Variants in ATP8A1 observed in about 807,000 individuals in gnomAD.
ATP8A1 encodes the protein ATPase phospholipid transporting 8A1, also known as phospholipid-transporting ATPase IA.
A neutral mutation model predicts 177.7 loss-of-function variants in ATP8A1; 90 were observed. The observed-to-expected ratio is 0.51, with a 90% CI of 0.43 to 0.60. ATP8A1 has a LOEUF of 0.60. ATP8A1 is among the 20% of genes least tolerant of loss of function. The pLI, the probability that ATP8A1 is intolerant of heterozygous loss-of-function variation, is 0.00. For missense variants in ATP8A1, 1,072 were observed against 1,392.8 expected (o/e 0.77, Z 3.67); for synonymous variants, 493 against 485.9 (o/e 1.01, Z -0.19).
intron 4 of ATP8A1, among the ~76,000 whole-genome samples, chr4:42,621,933 T>C (rs912532778): frequency 3.3e-5 from 5 of 152,160 alleles, no homozygotes; most frequent in Non-Finnish European, 7.4e-5. Flanking sequence ...ACTGCACACC[T>C]ACAACCATCT....
intron 5 of ATP8A1, among the ~76,000 whole-genome samples, chr4:42,613,618 C>CT (rs1434918687): frequency 6.6e-6 from 1 of 151,914 alleles, no homozygotes; most frequent in Non-Finnish European, 1.5e-5. Flanking sequence ...GAGTCTCTCT[C>CT]TGTCACCCAG....
chr4:42,592,713 G>T (rs1228042898), intron 6 of ATP8A1, among the ~76,000 whole-genome samples: 1 of 152,034 alleles, frequency 6.6e-6, no homozygotes, highest in Non-Finnish European at 1.5e-5. Context: ...AACCTAGATG[G>T]TATAGTCTAT....
At chr4:42,464,265 C>CT (rs11365064) in intron 27 of ATP8A1, among the ~76,000 whole-genome samples, 253 of 130,076 alleles carry the variant, frequency 1.9e-3, no homozygotes, top group African/African-American at 2.9e-3. Flanking sequence ...GGCTGACAAA[C>CT]TTTTTTTTTT....
At chr4:42,563,311 G>A (rs988284591) in intron 15 of ATP8A1, among the ~76,000 whole-genome samples, 1 of 152,190 alleles carries the variant, frequency 6.6e-6, no homozygotes, top group African/African-American at 2.4e-5. Context: ...CTTCGAACTT[G>A]AGAGAGATGA....
intron 33 of ATP8A1, among the ~76,000 whole-genome samples, chr4:42,441,104 T>C (rs1716593695): frequency 1.3e-5 from 2 of 152,164 alleles, no homozygotes; most frequent in African/African-American, 4.8e-5. Context: ...CTCTGGGCCG[T>C]GTTTCATTAC....
intron 15 of ATP8A1, among the ~76,000 whole-genome samples, chr4:42,566,340 A>G (rs974360074): frequency 6.6e-6 from 1 of 152,210 alleles, no homozygotes; most frequent in Non-Finnish European, 1.5e-5. Flanking sequence ...GAACAGCCAT[A>G]TTGGAATGCC....
At chr4:42,446,786 A>T (rs941912365) in intron 30 of ATP8A1, 142 bp from the exon 31 acceptor site, 5 of 656,896 alleles carry the variant, frequency 7.6e-6, no homozygotes, top group Non-Finnish European at 1.3e-5. Context: ...AAAAAAAACA[A>T]CCCCAAACAC....
At chr4:42,588,423 G>C (rs1044993398) in intron 7 of ATP8A1, 94 bp from the exon 8 acceptor site, 6 of 1,008,500 alleles carry the variant, frequency 5.9e-6, no homozygotes, top group African/African-American at 3.3e-5. Context: ...AAAGCCTTTC[G>C]TTCTAGACAA....
In ATP8A1 at chr4:42,575,765, GA is replaced by G. The variant is rs1256607004; in HGVS notation, c.1129-67del. The G allele has an allele frequency of 3.0e-6, 4 of 1,331,446 alleles. No homozygotes were observed. In the Admixed American group the frequency reaches 7.1e-5, roughly 24 times the overall value. The allele number at this position is 1,331,446 out of a possible 1,614,324, so 82.5% of individuals were successfully genotyped here. A position where few individuals can be genotyped will look rare whatever the true frequency, so the allele number is the denominator to read the frequency against. ...TAAGGAATTGGGTGAAACTTTAAAA[GA>G]AAACAATTAGTATATTCGTACTTCA... On this transcript the variant is annotated intron_variant, in intron 12 of 36. Coordinates refer to ENST00000381668, the MANE Select transcript of ATP8A1 (RefSeq NM_006095.2).
chr4:42,516,754 G>C (rs549705952), intron 22 of ATP8A1, among the ~76,000 whole-genome samples: 1 of 152,266 alleles, frequency 6.6e-6, no homozygotes, highest in Admixed American at 6.5e-5. Flanking sequence ...AAGGAATCTA[G>C]TAGCATAGTA....
intron 15 of ATP8A1, among the ~76,000 whole-genome samples, chr4:42,561,103 T>A (rs546931149): frequency 3.0e-4 from 45 of 152,276 alleles, no homozygotes; most frequent in Admixed American, 1.2e-3. Context: ...CTAACGTAAT[T>A]GAGTATTGGT....
Position 42,452,093 on chromosome 4 carries a change from GCGA to G in ATP8A1, c.2818-37_2818-35del, listed in dbSNP as rs754752078. On this transcript the variant is annotated intron_variant, in intron 29 of 36. Transcript: ENST00000381668. ...AAACAAAAATCCATGAGAACCATTT[GCGA>G]TAAACTAGCTCTGTGAACTCTGACC... 29 of 1,470,592 alleles carry G rather than the reference GCGA, an allele frequency of 2.0e-5. No homozygotes were observed. In the Admixed American group the frequency reaches 4.6e-4, roughly 23 times the overall value. 91.1% of individuals were successfully genotyped at this position (1,470,592 alleles called of 1,614,324 possible). A position where few individuals can be genotyped will look rare whatever the true frequency, so the allele number is the denominator to read the frequency against.
At chr4:42,509,753 G>A (rs1296086486) in intron 22 of ATP8A1, among the ~76,000 whole-genome samples, 1 of 150,822 alleles carries the variant, frequency 6.6e-6, no homozygotes, top group African/African-American at 2.4e-5. Flanking sequence ...TCGGGAGGCT[G>A]AGGCAGGAGA....
chr4:42,559,535 C>T (rs2153214588), intron 15 of ATP8A1, among the ~76,000 whole-genome samples: 1 of 152,178 alleles, frequency 6.6e-6, no homozygotes, highest in South Asian at 2.1e-4. Flanking sequence ...AGAACATAAA[C>T]TATACAAATT....
chr4:42,650,410 C>A lies in ATP8A1; in HGVS notation c.49+6415G>T, dbSNP rs4861212. Among the ~76,000 whole-genome samples the A allele has an allele frequency of 1.7e-4, 26 of 152,314 alleles. No homozygotes were observed. The East Asian group carries it at 1.7e-3, about 10-fold the overall frequency. On this transcript the variant is annotated intron_variant, in intron 1 of 36. Transcript: ENST00000381668. Reference sequence around the variant, plus strand: ...TTTCCTTTGGGACCTCCTTCATCGACCACAGCCTTTTGTCCCACCACCCAT... The same window carrying A: ...TTTCCTTTGGGACCTCCTTCATCGAACACAGCCTTTTGTCCCACCACCCAT...
At chr4:42,496,801 T>G (rs1187765553) in intron 24 of ATP8A1, among the ~76,000 whole-genome samples, 1 of 82,346 alleles carries the variant, frequency 1.2e-5, no homozygotes, top group African/African-American at 6.3e-5. Context: ...TATGCACATA[T>G]ACCCCCCCCC....
Position 42,537,352 on chromosome 4 carries a change from T to A in ATP8A1, c.1722+6565A>T, listed in dbSNP as rs1727955669. Among the ~76,000 whole-genome samples the A allele has an allele frequency of 2.0e-5, 3 of 148,168 alleles. No individual in the cohort carries two copies. In the South Asian group the frequency reaches 6.5e-4, roughly 32 times the overall value. ...AAGTTGAAAGCATTCCCCCGAGAAC[T>A]GGAACAAGACAAAGACGCCCACTTT... On this transcript the variant is annotated intron_variant, in intron 20 of 36. Transcript: ENST00000381668.
intron 4 of ATP8A1, among the ~76,000 whole-genome samples, chr4:42,618,328 A>T (rs1313586765): frequency 2.6e-5 from 4 of 152,122 alleles, no homozygotes; most frequent in Admixed American, 2.6e-4. Context: ...CTCTTCTTAC[A>T]ACTCTTTCAT....
At chr4:42,648,998 T>C (rs1740824580) in intron 1 of ATP8A1, among the ~76,000 whole-genome samples, 1 of 152,188 alleles carries the variant, frequency 6.6e-6, no homozygotes, top group African/African-American at 2.4e-5. Flanking sequence ...TTTTCAAATA[T>C]GTATCAAAAG....
Sources: gnomAD v4.1 joint callset for allele counts (sites outside exome capture counted in the v4.1 genomes callset) on GRCh38, gnomAD v4.1.1 for gene constraint, MANE v1.5 for transcripts, NCBI Gene and HGNC (gene_info 2026-07-23, HGNC 2026-07-21) for gene names.